MTUS2: variants seen among roughly 807,000 people sequenced by gnomAD.
MTUS2 encodes microtubule-associated tumor suppressor candidate 2.
Under a neutral mutation model 114.1 loss-of-function variants are expected in MTUS2, and 40 were observed. The ratio of observed to expected loss-of-function variants is 0.35; its 90% confidence interval spans 0.27 to 0.46. The LOEUF is 0.46. Among genes scored for constraint, MTUS2 ranks in the 20% least tolerant of loss-of-function variants. The pLI is 1.00. For synonymous variants in MTUS2, 688 were observed against 672.0 expected (o/e 1.02, Z -0.37); for missense variants, 1,679 against 1,705.4 (o/e 0.98, Z 0.27).
intron 2 of MTUS2, among the ~76,000 whole-genome samples, chr13:28,959,458 G>A (rs1278780987): frequency 2.0e-5 from 3 of 152,192 alleles, no homozygotes; most frequent in Non-Finnish European, 4.4e-5. Context: ...CCCTGTGTTA[G>A]TCTGTTTGCA....
chr13:29,003,753 A>G (rs1369935957), intron 2 of MTUS2, among the ~76,000 whole-genome samples: 1 of 152,182 alleles, frequency 6.6e-6, no homozygotes, highest in East Asian at 1.9e-4. Context: ...TACCCGGGTG[A>G]TAGACAAGAG....
intron 4 of MTUS2, among the ~76,000 whole-genome samples, chr13:29,045,144 T>C (rs949049684): frequency 4.6e-5 from 7 of 152,208 alleles, no homozygotes; most frequent in African/African-American, 1.7e-4. Flanking sequence ...TAATACGTAA[T>C]ATAAGATAGT....
At chr13:29,198,344 TG>T (rs1894790060) in intron 5 of MTUS2, among the ~76,000 whole-genome samples, 1 of 152,218 alleles carries the variant, frequency 6.6e-6, no homozygotes, top group Non-Finnish European at 1.5e-5. Context: ...CCCCATTGCT[TG>T]TTTTTGTCAG....
intron 6 of MTUS2, among the ~76,000 whole-genome samples, chr13:29,295,946 CAT>C (rs745692949): frequency 9.9e-5 from 15 of 152,274 alleles, no homozygotes; most frequent in South Asian, 2.1e-4. Flanking sequence ...CCTCCCATAA[CAT>C]GTGGGGATTA....
chr13:29,363,547 T>A (rs1303024782), intron 8 of MTUS2, among the ~76,000 whole-genome samples: 2 of 152,118 alleles, frequency 1.3e-5, no homozygotes, highest in South Asian at 2.1e-4. Flanking sequence ...TTACCTTTTA[T>A]CACAAAAAAA....
At chr13:28,967,748 T>A (rs1883662849) in intron 2 of MTUS2, among the ~76,000 whole-genome samples, 1 of 152,144 alleles carries the variant, frequency 6.6e-6, no homozygotes, top group Non-Finnish European at 1.5e-5. Flanking sequence ...CCAGATGACA[T>A]GATCTGTGCA....
intron 5 of MTUS2, among the ~76,000 whole-genome samples, chr13:29,147,716 C>A (rs1393517828): frequency 1.3e-5 from 2 of 152,040 alleles, no homozygotes; most frequent in African/African-American, 4.8e-5. Flanking sequence ...TGCATTAATT[C>A]TTTTAGGATA....
intron 8 of MTUS2, among the ~76,000 whole-genome samples, chr13:29,420,894 G>A (rs2138591915): frequency 6.6e-6 from 1 of 152,300 alleles, no homozygotes. Context: ...GGGAAAAAAA[G>A]GGTACTGTCA....
intron 8 of MTUS2, among the ~76,000 whole-genome samples, chr13:29,393,848 C>T (rs1189686219): frequency 2.6e-5 from 4 of 152,076 alleles, no homozygotes; most frequent in East Asian, 1.9e-4. Context: ...AACTCGAAGT[C>T]GGGAGGGGGC....
chr13:28,938,349 C>G (rs1882034707), intron 2 of MTUS2, among the ~76,000 whole-genome samples: 1 of 151,110 alleles, frequency 6.6e-6, no homozygotes, highest in African/African-American at 2.4e-5. Context: ...CCACTGCACT[C>G]CAGCCTGGTG....
chr13:29,063,479 A>G lies in MTUS2; in HGVS notation c.2446+29354A>G, dbSNP rs145002584. ...ATTCTATAAATAACCAGAGAAATTC[A>G]ATCGTGTAAGAAAAGTTGGGACAGT... On this transcript the variant is annotated intron_variant, in intron 4 of 15. Transcript: ENST00000612955. Among the ~76,000 whole-genome samples the G allele has an allele frequency of 2.8e-3, 424 of 152,316 alleles. 2 individuals carry two copies. The highest frequency in any genetic ancestry group is 9.8e-3 in the African/African-American group (409 of 41,568).
intron 7 of MTUS2, among the ~76,000 whole-genome samples, chr13:29,356,040 G>T (rs1372234367): frequency 1.3e-5 from 2 of 152,148 alleles, no homozygotes; most frequent in African/African-American, 4.8e-5. Flanking sequence ...TGCCTGCATG[G>T]TGAGGTCAGT....
chr13:29,185,161 G>A (rs1007281007), intron 5 of MTUS2, among the ~76,000 whole-genome samples: 1 of 152,142 alleles, frequency 6.6e-6, no homozygotes, highest in African/African-American at 2.4e-5. Context: ...TACTAGAGGA[G>A]CTCAGCAGCA....
Position 29,331,475 on chromosome 13 carries a change from A to G in MTUS2, c.2905+6764A>G, listed in dbSNP as rs144027308. 2.5e-3 allele frequency among the ~76,000 whole-genome samples: 381 copies of G among 152,260 alleles called. 4 individuals are homozygous for G. The highest frequency in any genetic ancestry group is 8.6e-3 in the African/African-American group (357 of 41,556). ...CTAGAGCAATACTTCCAAATTTCAT[A>G]TGGAACCAAAAAAGAGCCACATAGC... is the stretch of plus-strand genomic sequence containing the variant. On this transcript the variant is annotated intron_variant, in intron 7 of 15. Transcript: ENST00000612955.
At chr13:28,845,637 T>TA (rs1875822615) in intron 2 of MTUS2, among the ~76,000 whole-genome samples, 1 of 151,976 alleles carries the variant, frequency 6.6e-6, no homozygotes, top group Non-Finnish European at 1.5e-5. Flanking sequence ...AGGTCCCTGT[T>TA]ATGTTCCCTC....
chr13:29,127,343 C>A (rs1891563137), intron 5 of MTUS2, among the ~76,000 whole-genome samples: 1 of 152,162 alleles, frequency 6.6e-6, no homozygotes, highest in South Asian at 2.1e-4. Context: ...CCAGAGTACC[C>A]ACTTATTCAC....
intron 2 of MTUS2, among the ~76,000 whole-genome samples, chr13:28,866,854 A>T (rs1413594287): frequency 6.6e-6 from 1 of 152,056 alleles, no homozygotes; most frequent in Non-Finnish European, 1.5e-5. Context: ...TCCTCCTCGA[A>T]ATATATATAT....
intron 9 of MTUS2, among the ~76,000 whole-genome samples, chr13:29,457,963 A>G (rs1879237326): frequency 6.6e-6 from 1 of 152,224 alleles, no homozygotes; most frequent in African/African-American, 2.4e-5. Flanking sequence ...CATGTTAGCC[A>G]GGATGGTCTT....
At chr13:29,416,668 G>A (rs1335407475) in intron 8 of MTUS2, among the ~76,000 whole-genome samples, 3 of 152,112 alleles carry the variant, frequency 2.0e-5, no homozygotes, top group African/African-American at 7.2e-5. Context: ...CAGTAGCCTT[G>A]ATACTTGGAC....
Sources: allele counts gnomAD v4.1 joint callset (sites outside exome capture counted in the v4.1 genomes callset), GRCh38; gene constraint gnomAD v4.1.1; transcripts MANE v1.5; gene names NCBI Gene and HGNC (gene_info 2026-07-23, HGNC 2026-07-21).